Variants in KLHL1 observed in about 807,000 individuals in gnomAD.
KLHL1 encodes the protein kelch-like protein 1.
KLHL1 carries 47 observed loss-of-function variants against 77.7 expected under a neutral mutation model. The ratio of observed to expected loss-of-function variants is 0.60; its 90% CI spans 0.48 to 0.77. The LOEUF (loss-of-function observed/expected upper bound fraction) is 0.77. Among genes scored for constraint, KLHL1 ranks in the 30% least tolerant of loss-of-function variants. KLHL1 has a pLI of 0.00. For missense variants in KLHL1, 925 were observed against 910.8 expected, an observed-to-expected ratio of 1.02 and a Z score of -0.20; for synonymous variants, 360 against 325.2, an observed-to-expected ratio of 1.11 and a Z score of -1.15.
At chr13:70,024,886 G>A (rs777612219) in intron 1 of KLHL1, among the ~76,000 whole-genome samples, 4 of 151,864 alleles carry the variant, frequency 2.6e-5, no homozygotes, top group African/African-American at 4.8e-5. Context: ...CTAAGGATAT[G>A]CAGACACCAG....
At position 69,839,016 on chromosome 13, in the gene KLHL1, G is replaced by A. The variant is rs376887058; in HGVS notation, c.1374C>T (p.Val458=). Residue 458 remains valine, a synonymous_variant, in exon 6 of 11, where the codon GTC becomes GTT. Transcript: ENST00000377844. ...TTCCTCCTACAGCATACAAAGTTCC[G>A]ACTGTAGATTTTCTGGGTTTAGTTC... ...SPRTKPRKST[V]GTLYAVGGMD... is the part of the protein sequence containing the mutation. 209 of 1,609,254 alleles carry A rather than the reference G, an allele frequency of 1.3e-4. 1 individual carries two copies. The South Asian group carries it at 2.0e-3, about 15-fold the overall frequency.
chr13:69,920,672 A>T (rs1218992392), intron 4 of KLHL1, among the ~76,000 whole-genome samples: 1 of 150,382 alleles, frequency 6.6e-6, no homozygotes, highest in Non-Finnish European at 1.5e-5. Flanking sequence ...ATGCAGATAT[A>T]CCTTTTCATA....
chr13:69,922,076 A>C (rs1160161927), intron 4 of KLHL1, among the ~76,000 whole-genome samples: 1 of 151,910 alleles, frequency 6.6e-6, no homozygotes. Context: ...CTAAACGTGC[A>C]CACGACAGTG....
chr13:69,725,951 C>T (rs1300026954), intron 8 of KLHL1, among the ~76,000 whole-genome samples: 5 of 152,050 alleles, frequency 3.3e-5, no homozygotes, highest in South Asian at 2.1e-4. Context: ...ATTACATATG[C>T]AGGGTTATGT....
intron 7 of KLHL1, among the ~76,000 whole-genome samples, chr13:69,756,661 T>G (rs1874756216): frequency 6.6e-6 from 1 of 152,138 alleles, no homozygotes; most frequent in Admixed American, 6.6e-5. Flanking sequence ...GTAACTAAAT[T>G]AAGAATCAAA....
At chr13:69,958,607 T>A (rs994605742) in intron 3 of KLHL1, among the ~76,000 whole-genome samples, 1 of 151,890 alleles carries the variant, frequency 6.6e-6, no homozygotes, top group Non-Finnish European at 1.5e-5. Flanking sequence ...AAATGTTATA[T>A]GTTTAAATCA....
intron 1 of KLHL1, among the ~76,000 whole-genome samples, chr13:70,036,287 AAC>A (rs1566520181): frequency 1.3e-5 from 2 of 151,992 alleles, no homozygotes; most frequent in African/African-American, 2.4e-5. Flanking sequence ...ATTATAAACA[AAC>A]ACAACATATG....
chr13:69,714,398 T>C (rs1876018130), intron 9 of KLHL1, among the ~76,000 whole-genome samples: 1 of 152,080 alleles, frequency 6.6e-6, no homozygotes, highest in South Asian at 2.1e-4. Context: ...TTAACTACTG[T>C]CAGTCAGCAG....
intron 4 of KLHL1, among the ~76,000 whole-genome samples, chr13:69,883,198 T>C (rs927187099): frequency 2.0e-5 from 3 of 152,180 alleles, no homozygotes; most frequent in South Asian, 4.1e-4. Context: ...GTGCTCATGG[T>C]TTTATTCTGA....
At chr13:69,844,917 T>A (rs1593881589) in intron 5 of KLHL1, among the ~76,000 whole-genome samples, 1 of 151,602 alleles carries the variant, frequency 6.6e-6, no homozygotes, top group East Asian at 1.9e-4. Context: ...TGTTCCTATG[T>A]CAATTTATGG....
intron 7 of KLHL1, among the ~76,000 whole-genome samples, chr13:69,741,619 G>A (rs1232304779): frequency 6.6e-6 from 1 of 152,120 alleles, no homozygotes; most frequent in Non-Finnish European, 1.5e-5. Context: ...TGACCTTACT[G>A]TTTCCCTTCT....
intron 4 of KLHL1, among the ~76,000 whole-genome samples, chr13:69,884,616 G>T (rs1881125474): frequency 6.6e-6 from 1 of 152,124 alleles, no homozygotes; most frequent in East Asian, 1.9e-4. Flanking sequence ...ACTCCTAGTG[G>T]TATCTGTCAT....
intron 1 of KLHL1, among the ~76,000 whole-genome samples, chr13:69,984,124 A>T (rs1884799141): frequency 6.6e-6 from 1 of 152,170 alleles, no homozygotes; most frequent in Admixed American, 6.6e-5. Context: ...AGATCTCAAA[A>T]GCACAGAAAA....
At chr13:69,965,986 A>G (rs1884200487) in intron 2 of KLHL1, among the ~76,000 whole-genome samples, 1 of 152,168 alleles carries the variant, frequency 6.6e-6, no homozygotes, top group Non-Finnish European at 1.5e-5. Flanking sequence ...TCCATAACAT[A>G]AAAGTGCAAA....
chr13:69,731,997 A>G (rs1444470352), intron 8 of KLHL1, among the ~76,000 whole-genome samples: 2 of 152,176 alleles, frequency 1.3e-5, no homozygotes, highest in African/African-American at 4.8e-5. Flanking sequence ...GACTTTAAAG[A>G]TGATAAAGAC....
At chr13:69,721,062 G>GATATATATATATATATATATAT (rs753780468) in intron 8 of KLHL1, among the ~76,000 whole-genome samples, 1 of 20,652 alleles carries the variant, frequency 4.8e-5, no homozygotes, top group African/African-American at 8.9e-5. Flanking sequence ...TAGCTACTAA[G>GATATATATATATATATATATAT]ATATATATAT....
At chr13:70,101,451 G>A (rs953796062) in intron 1 of KLHL1, among the ~76,000 whole-genome samples, 8 of 151,548 alleles carry the variant, frequency 5.3e-5, no homozygotes, top group Admixed American at 1.3e-4. Context: ...TTTTTAAGAC[G>A]AAGTCTCGCT....
chr13:69,735,528 A>C (rs949778341), intron 8 of KLHL1, among the ~76,000 whole-genome samples: 3 of 149,472 alleles, frequency 2.0e-5, no homozygotes, highest in Admixed American at 1.3e-4. Flanking sequence ...TATCTTTTAT[A>C]ATTTAATTAT....
chr13:70,062,896 G>A (rs1886924722), intron 1 of KLHL1, among the ~76,000 whole-genome samples: 1 of 152,076 alleles, frequency 6.6e-6, no homozygotes, highest in Non-Finnish European at 1.5e-5. Context: ...TGCCTTTTCA[G>A]TCAATTTTTT....
Sources: allele counts gnomAD v4.1 joint callset (sites outside exome capture counted in the v4.1 genomes callset), GRCh38; gene constraint gnomAD v4.1.1; transcripts MANE v1.5; gene names NCBI Gene and HGNC (gene_info 2026-07-23, HGNC 2026-07-21).